Variants in NLGN1 observed in about 807,000 individuals in gnomAD.
The protein encoded by NLGN1 is neuroligin 1.
In NLGN1, 12 loss-of-function variants were observed where a neutral mutation model predicts 65.5. That is an observed-to-expected ratio of 0.18 (90% CI 0.12 to 0.30). NLGN1 has a LOEUF of 0.30. Among genes scored for constraint, NLGN1 ranks in the 10% least tolerant of loss-of-function variants. The pLI, the probability that NLGN1 is intolerant of heterozygous loss-of-function variation, is 1.00. For synonymous variants in NLGN1, 350 were observed against 359.5 expected (o/e 0.97, Z 0.30); for missense variants, 750 against 1,007.1 (o/e 0.74, Z 3.46).
At chr3:173,689,159 G>C (rs16829573) in intron 3 of NLGN1, among the ~76,000 whole-genome samples, 29,770 of 152,064 alleles carry the variant, frequency 0.2, 3,155 homozygotes, top group African/African-American at 0.26. Flanking sequence ...AGATTATGCT[G>C]GTGGACTGTA....
At chr3:173,740,976 TA>T (rs1774549568) in intron 3 of NLGN1, among the ~76,000 whole-genome samples, 1 of 152,124 alleles carries the variant, frequency 6.6e-6, no homozygotes, top group African/African-American at 2.4e-5. Context: ...TTTGACTTTA[TA>T]AAACACGCAA....
At chr3:173,806,850 C>G (rs373676731) in intron 3 of NLGN1, among the ~76,000 whole-genome samples, 1 of 152,072 alleles carries the variant, frequency 6.6e-6, no homozygotes, top group Non-Finnish European at 1.5e-5. Context: ...AACCCTAAAT[C>G]TTGACACTTT....
At chr3:174,044,641 C>A (rs771599369) in intron 4 of NLGN1, among the ~76,000 whole-genome samples, 1 of 152,104 alleles carries the variant, frequency 6.6e-6, no homozygotes, top group Non-Finnish European at 1.5e-5. Context: ...GCATTTTGGT[C>A]AAAGCCATTC....
At chr3:173,700,627 G>T (rs913137873) in intron 3 of NLGN1, among the ~76,000 whole-genome samples, 4 of 152,174 alleles carry the variant, frequency 2.6e-5, no homozygotes, top group East Asian at 1.9e-4. Flanking sequence ...TCATCTTTAG[G>T]CAGAAACCTG....
chr3:174,266,471 A>G (rs938318281), intron 4 of NLGN1, among the ~76,000 whole-genome samples: 1 of 152,132 alleles, frequency 6.6e-6, no homozygotes, highest in Admixed American at 6.6e-5. Context: ...ATGGGTATCT[A>G]TGTTGATTCC....
chr3:173,602,071 A>G (rs1241885501), intron 2 of NLGN1, among the ~76,000 whole-genome samples: 1 of 152,014 alleles, frequency 6.6e-6, no homozygotes, highest in Non-Finnish European at 1.5e-5. Flanking sequence ...TCTGCTACTA[A>G]TTAGCTAAGA....
At chr3:173,695,680 C>A (rs1560185486) in intron 3 of NLGN1, 2 of 184,760 alleles carry the variant, frequency 1.1e-5, no homozygotes, top group Admixed American at 1.1e-4. Flanking sequence ...AGCTTTTTGC[C>A]AAACCAGTAA....
At chr3:174,014,015 G>A (rs1005770261) in intron 4 of NLGN1, among the ~76,000 whole-genome samples, 1 of 152,070 alleles carries the variant, frequency 6.6e-6, no homozygotes, top group Non-Finnish European at 1.5e-5. Context: ...ACACCTGGCT[G>A]AATCTAGTAT....
At chr3:174,200,825 T>C (rs1734313798) in intron 4 of NLGN1, among the ~76,000 whole-genome samples, 1 of 152,206 alleles carries the variant, frequency 6.6e-6, no homozygotes, top group South Asian at 2.1e-4. Flanking sequence ...TATATTTTCC[T>C]TAACCATCAG....
intron 3 of NLGN1, among the ~76,000 whole-genome samples, chr3:173,690,155 TA>T (rs1240606108): frequency 2.6e-5 from 4 of 152,108 alleles, no homozygotes; most frequent in Admixed American, 6.6e-5. Flanking sequence ...AGGCGACACT[TA>T]AAAAAGAAAA....
intron 4 of NLGN1, among the ~76,000 whole-genome samples, chr3:174,127,828 G>A (rs906536142): frequency 6.6e-6 from 1 of 152,148 alleles, no homozygotes; most frequent in African/African-American, 2.4e-5. Context: ...TATATTCCAG[G>A]CATCACAAAC....
chr3:173,578,859 T>G (rs1198139494), intron 2 of NLGN1, among the ~76,000 whole-genome samples: 1 of 152,214 alleles, frequency 6.6e-6, no homozygotes, highest in Non-Finnish European at 1.5e-5. Flanking sequence ...GAAGAAAATA[T>G]TCTGCAAAAT....
At chr3:173,565,054 G>T (rs956957898) in intron 2 of NLGN1, among the ~76,000 whole-genome samples, 7 of 152,160 alleles carry the variant, frequency 4.6e-5, no homozygotes, top group African/African-American at 1.7e-4. Flanking sequence ...GGGAAACTCT[G>T]CCCAGGATGA....
At chr3:173,482,282 C>T (rs1049505121) in intron 2 of NLGN1, among the ~76,000 whole-genome samples, 8 of 151,846 alleles carry the variant, frequency 5.3e-5, no homozygotes, top group African/African-American at 1.9e-4. Flanking sequence ...CTACATTTCT[C>T]CTTTATATGT....
intron 1 of NLGN1, among the ~76,000 whole-genome samples, chr3:173,412,801 A>G (rs181515191): frequency 6.6e-6 from 1 of 152,336 alleles, no homozygotes; most frequent in East Asian, 1.9e-4. Flanking sequence ...CCAATAACAT[A>G]CTTTCACAAG....
chr3:173,592,222 A>G (rs1748620725), intron 2 of NLGN1, among the ~76,000 whole-genome samples: 1 of 152,218 alleles, frequency 6.6e-6, no homozygotes, highest in Non-Finnish European at 1.5e-5. Context: ...CAGAATAAAT[A>G]GAAAGTAAAA....
intron 4 of NLGN1, among the ~76,000 whole-genome samples, chr3:174,024,527 T>C (rs1560867306): frequency 6.6e-6 from 1 of 152,200 alleles, no homozygotes; most frequent in East Asian, 1.9e-4. Context: ...TATATCCCAC[T>C]AAGAAAAATG....
At chr3:173,447,928 G>T (rs1188541939) in intron 2 of NLGN1, among the ~76,000 whole-genome samples, 9 of 152,196 alleles carry the variant, frequency 5.9e-5, no homozygotes, top group Non-Finnish European at 7.3e-5. Context: ...CTGAGACTTT[G>T]CTGAAGTTGC....
intron 4 of NLGN1, among the ~76,000 whole-genome samples, chr3:173,968,845 C>T (rs1221211886): frequency 6.6e-6 from 1 of 151,482 alleles, no homozygotes; most frequent in Non-Finnish European, 1.5e-5. Context: ...ATTACAGATG[C>T]ATGTGCCACC....
Sources: gnomAD v4.1 joint callset for allele counts (sites outside exome capture counted in the v4.1 genomes callset) on GRCh38, gnomAD v4.1.1 for gene constraint, MANE v1.5 for transcripts, NCBI Gene and HGNC (gene_info 2026-07-23, HGNC 2026-07-21) for gene names.